The following TLR1 variants were observed in gnomAD, a reference collection of about 807,000 sequenced individuals.
TLR1 encodes the protein toll like receptor 1.
A neutral mutation model predicts 20.2 loss-of-function variants in TLR1; 19 were observed. The ratio of observed to expected loss-of-function variants is 0.94; its 90% CI spans 0.66 to 1.38. The LOEUF is 1.38. TLR1 is among the 40% of genes most tolerant of loss of function. The pLI, the probability that TLR1 is intolerant of heterozygous loss-of-function variation, is 0.00. For synonymous variants in TLR1, 320 were observed against 334.5 expected, an observed-to-expected ratio of 0.96 and a Z score of 0.47; for missense variants, 921 against 910.0, an observed-to-expected ratio of 1.01 and a Z score of -0.16.
chr4:38,798,140 G>C lies in TLR1; in HGVS notation c.692C>G (p.Ser231Cys). ...TTTCGCCAGAATACTTAGGAAGTAA[G>C]AACATTTGTTATCTTCTAGCACACA... Reference protein sequence around the residue: ...IKCVLEDNKCSYFLSILAKLQ... With the variant: ...IKCVLEDNKCCYFLSILAKLQ... The change falls in exon 4 of 4, where the codon TCT becomes TGT. Residue 231 changes from serine to cysteine, a missense_variant. Physicochemically the swap from Ser to Cys is moderately radical, Grantham distance 112 (BLOSUM62 -1). Coordinates refer to ENST00000308979, the MANE Select transcript of TLR1 (RefSeq NM_003263.4). 1 of 1,613,884 alleles carries C rather than the reference G, an allele frequency of 6.2e-7. No individual in the cohort carries two copies. The highest frequency in any genetic ancestry group is 8.5e-7 in the Non-Finnish European group (1 of 1,179,842).
rs761071927 is a variant in TLR1 at position 38,798,478 on chromosome 4, G to T, written c.354C>A (p.His118Gln). Reference protein sequence around the residue: ...ISCHPTVNLKHLDLSFNAFDA... With the variant: ...ISCHPTVNLKQLDLSFNAFDA... ...CAAATGCATTAAATGACAGGTCCAAGTGCTTGAGGTTCACAGTAGGGTGGC... is the reference window on the plus strand; with the variant it reads ...CAAATGCATTAAATGACAGGTCCAATTGCTTGAGGTTCACAGTAGGGTGGC... The change falls in exon 4 of 4, where the codon CAC (histidine) becomes CAA (glutamine). Residue 118 changes from histidine (H) to glutamine (Q), a missense_variant. By Grantham distance (24) the His-to-Gln change is conservative. Transcript: ENST00000308979. 22 of 1,613,994 alleles carry T rather than the reference G, an allele frequency of 1.4e-5. No homozygotes were observed. The East Asian group carries it at 4.7e-4, about 34-fold the overall frequency.
At chr4:38,802,280 AATAG>A (rs1346011579) in intron 2 of TLR1, among the ~76,000 whole-genome samples, 1 of 152,166 alleles carries the variant, frequency 6.6e-6, no homozygotes, top group Non-Finnish European at 1.5e-5. Flanking sequence ...TCAGTCTCCT[AATAG>A]ATAGAAAACA....
rs144775976 is a variant in TLR1 at position 38,796,974 on chromosome 4, G to C, written c.1858C>G (p.Arg620Gly). ...AAGGGTATGTTCCTGGCCCTGCGCC[G>C]GGTCTGGGTCCACTGGCACACCATC... is the stretch of plus-strand genomic sequence containing the variant. ...LRMVCQWTQT[R>G]RRARNIPLEE... Residue 620 changes from arginine to glycine, a missense_variant, in exon 4 of 4, where the codon CGG (arginine) becomes GGG (glycine). Arg to Gly is a moderately radical substitution (Grantham distance 125). Transcript: ENST00000308979. 2.7e-5 allele frequency: 43 copies of C among 1,614,068 alleles called. No individual in the cohort carries two copies. The highest frequency in any genetic ancestry group is 3.3e-5 in the Admixed American group (2 of 60,002).
chr4:38,794,349 T>C (rs1339444226), downstream of TLR1, among the ~76,000 whole-genome samples: 1 of 152,240 alleles, frequency 6.6e-6, no homozygotes, highest in Non-Finnish European at 1.5e-5. Flanking sequence ...ACTATTATGC[T>C]TCAAAGAAGT....
downstream of TLR1, chr4:38,794,486 G>A (rs186332229): frequency 1.3e-5 from 2 of 151,982 alleles, no homozygotes; most frequent in South Asian, 2.1e-4. Flanking sequence ...TGAACCTCAC[G>A]GTCCAGTCAA....
Position 38,798,635 on chromosome 4 carries a change from A to G in TLR1, c.197T>C (p.Leu66Ser). 1 of 1,613,730 alleles carries G rather than the reference A, an allele frequency of 6.2e-7. No homozygotes were observed. The highest frequency in any genetic ancestry group is 8.5e-7 in the Non-Finnish European group (1 of 1,179,756). ...CAAAATCCTCAGTTTTGACAGTGAT[A>G]AGATGTCAGAAGTCCAAAGCTCAGA... ...YISELWTSDI[L>S]SLSKLRILII... is the part of the protein sequence containing the mutation. Residue 66 changes from leucine (L) to serine (S), a missense_variant, in exon 4 of 4, where the codon TTA becomes TCA. By Grantham distance (145) the Leu-to-Ser change is moderately radical. Coordinates refer to ENST00000308979, the MANE Select transcript of TLR1 (RefSeq NM_003263.4).
At chr4:38,799,055 A>G (rs1347345604) in intron 3 of TLR1, among the ~76,000 whole-genome samples, 157 bp from the exon 4 acceptor site, 2 of 152,228 alleles carry the variant, frequency 1.3e-5, no homozygotes, top group East Asian at 1.9e-4. Context: ...AGAAGTATAT[A>G]TATTGGTAAA....
chr4:38,803,083 C>T (rs55776153), intron 2 of TLR1, among the ~76,000 whole-genome samples: 1 of 152,168 alleles, frequency 6.6e-6, no homozygotes, highest in Non-Finnish European at 1.5e-5. Context: ...GAGAGCCGGA[C>T]GCACAGTTGT....
upstream of TLR1, chr4:38,805,153 T>A (rs1726939977): frequency 6.6e-6 from 1 of 152,268 alleles, no homozygotes; most frequent in African/African-American, 2.4e-5. Flanking sequence ...CTGGGTGTGT[T>A]TCGGCTGCTT....
chr4:38,798,367 A>C lies in TLR1; in HGVS notation c.465T>G (p.Ser155Arg). 2 of 1,613,970 alleles carry C rather than the reference A, an allele frequency of 1.2e-6. No homozygotes were observed. The change falls in exon 4 of 4, where the codon AGT becomes AGG. Residue 155 changes from serine (S) to arginine (R), a missense_variant. Coordinates refer to ENST00000308979, the MANE Select transcript of TLR1 (RefSeq NM_003263.4). ...GLSTTHLEKS[S>R]VLPIAHLNIS... ...TATTCAAATGAGCAATTGGCAGCAC[A>C]CTAGATTTTTCTAAGTGTGTGGTGC...
Position 38,797,065 on chromosome 4 carries a change from G to A in TLR1, c.1767C>T (p.Thr589=), listed in dbSNP as rs2109345207. Residue 589 remains threonine, a synonymous_variant, in exon 4 of 4, where the codon ACC becomes ACT. Coordinates refer to ENST00000308979, the MANE Select transcript of TLR1 (RefSeq NM_003263.4). ...ITLLIVTIVA[T]MLVLAVTVTS... ...TCACAGTCACAGCCAACACCAGCAT[G>A]GTGGCAACGATGGTGACGATCAGCA... 1.2e-6 allele frequency: 2 copies of A among 1,614,206 alleles called. No individual in the cohort carries two copies. The highest frequency in any genetic ancestry group is 1.7e-6 in the Non-Finnish European group (2 of 1,180,044).
upstream of TLR1, chr4:38,805,594 T>C (rs1726961264): frequency 6.6e-6 from 1 of 152,232 alleles, no homozygotes. Context: ...TCCAGCTGAC[T>C]GCCTCTGAAG....
chr4:38,790,868 C>T (rs972815747), exon 4 of TLR1: 1 of 152,188 alleles, frequency 6.6e-6, no homozygotes, highest in African/African-American at 2.4e-5. Flanking sequence ...ACGTCTGTAA[C>T]TTCAAGTTGT....
chr4:38,790,983 A>T (rs1725703198), exon 4 of TLR1: 1 of 152,156 alleles, frequency 6.6e-6, no homozygotes, highest in African/African-American at 2.4e-5. Context: ...CTTGTTGATT[A>T]ATTTTGACAA....
rs1266163657 is a variant in TLR1 at position 38,798,599 on chromosome 4, T to C, written c.233A>G (p.His78Arg). 3.7e-6 allele frequency: 6 copies of C among 1,613,826 alleles called. No homozygotes were observed. The highest frequency in any genetic ancestry group is 5.1e-6 in the Non-Finnish European group (6 of 1,179,850). The change falls in exon 4 of 4, where the codon CAT becomes CGT. Residue 78 changes from histidine to arginine, a missense_variant. Coordinates refer to ENST00000308979, the MANE Select transcript of TLR1 (RefSeq NM_003263.4). ...LSKLRILIIS[H>R]NRIQYLDISV... The stretch of plus-strand genomic sequence containing the variant: ...GATATCAAGATACTGGATTCTATTA[T>C]GAGAAATTATCAAAATCCTCAGTTT...
At chr4:38,804,160 T>C (rs1434219180) in intron 2 of TLR1, 146 bp downstream of exon 2, 1 of 152,250 alleles carries the variant, frequency 6.6e-6, no homozygotes, top group African/African-American at 2.4e-5. Flanking sequence ...CTTTCAAGTC[T>C]TTTGACCAAA....
intron 2 of TLR1, among the ~76,000 whole-genome samples, chr4:38,803,407 A>G (rs888041100): frequency 4.6e-5 from 7 of 152,202 alleles, no homozygotes; most frequent in African/African-American, 1.4e-4. Context: ...ACCCATATGG[A>G]TTCACCACTG....
intron 2 of TLR1, among the ~76,000 whole-genome samples, chr4:38,803,541 T>C (rs1346629369): frequency 6.6e-6 from 1 of 152,254 alleles, no homozygotes; most frequent in African/African-American, 2.4e-5. Context: ...TAATTTTAAG[T>C]ACTCAGTTTA....
chr4:38,792,978 A>G (rs903692530), downstream of TLR1, among the ~76,000 whole-genome samples: 1 of 151,578 alleles, frequency 6.6e-6, no homozygotes, highest in Non-Finnish European at 1.5e-5. Flanking sequence ...GGTTAGTCTC[A>G]ATTTTGGTGG....
Sources: allele counts gnomAD v4.1 joint callset (sites outside exome capture counted in the v4.1 genomes callset), GRCh38; gene constraint gnomAD v4.1.1; transcripts MANE v1.5; gene names NCBI Gene and HGNC (gene_info 2026-07-23, HGNC 2026-07-21).